The following PCDH15 variants were observed in gnomAD, a reference collection of about 807,000 sequenced individuals.
PCDH15 encodes protocadherin related 15.
PCDH15 carries 129 observed loss-of-function variants against 178.5 expected under a neutral mutation model. The ratio of observed to expected loss-of-function variants is 0.72; its 90% CI spans 0.63 to 0.84. The LOEUF (loss-of-function observed/expected upper bound fraction) is 0.84. PCDH15 is among the 40% of genes least tolerant of loss of function. PCDH15 has a pLI of 0.00. For synonymous variants in PCDH15, 800 were observed against 732.0 expected, an observed-to-expected ratio of 1.09 and a Z score of -1.50; for missense variants, 2,230 against 2,099.9, an observed-to-expected ratio of 1.06 and a Z score of -1.21.
intron 11 of PCDH15, 21 bp downstream of exon 11, chr10:54,195,662 C>A (rs1396964026): frequency 2.5e-6 from 4 of 1,594,148 alleles, no homozygotes; most frequent in Admixed American, 3.3e-5. Flanking sequence ...CAAACAAGAG[C>A]AAAATATGTA....
intron 3 of PCDH15, among the ~76,000 whole-genome samples, chr10:54,888,553 T>C (rs1457581444): frequency 6.6e-6 from 1 of 151,982 alleles, no homozygotes; most frequent in African/African-American, 2.4e-5. Context: ...TTTAGGTAAA[T>C]ACTTAGGATG....
intron 3 of PCDH15, among the ~76,000 whole-genome samples, chr10:54,443,367 G>A (rs11004310): frequency 1.1e-4 from 17 of 151,196 alleles, no homozygotes; most frequent in Admixed American, 4.6e-4. Flanking sequence ...GAAATGGGAA[G>A]TTTTTTTTCA....
chr10:54,677,950 C>A (rs1441106447), intron 1 of PCDH15, among the ~76,000 whole-genome samples: 2 of 152,102 alleles, frequency 1.3e-5, no homozygotes, highest in African/African-American at 2.4e-5. Context: ...TAATCACAAT[C>A]TTTGAAAATT....
chr10:54,884,978 C>T (rs4935569), intron 3 of PCDH15, among the ~76,000 whole-genome samples: 145,602 of 152,110 alleles, frequency 0.96, 69,789 homozygotes, highest in East Asian at 0.99. Context: ...ACTTTCTTTG[C>T]CCTAATAGTT....
At chr10:55,136,707 T>C (rs1456086446) in intron 2 of PCDH15, among the ~76,000 whole-genome samples, 1 of 152,100 alleles carries the variant, frequency 6.6e-6, no homozygotes, top group African/African-American at 2.4e-5. Context: ...CGTGAAAAAC[T>C]AAAGCAAAGT....
chr10:54,054,761 G>A (rs531591852), intron 18 of PCDH15, among the ~76,000 whole-genome samples: 1 of 152,170 alleles, frequency 6.6e-6, no homozygotes, highest in East Asian at 1.9e-4. Flanking sequence ...GATTTCTATT[G>A]TAAATATTAT....
chr10:53,810,421 G>A, intron 37 of PCDH15, 135 bp downstream of exon 37: 1 of 740,810 alleles, frequency 1.3e-6, no homozygotes, highest in Non-Finnish European at 2.3e-6. Context: ...TCAGCACTGT[G>A]AAATTTCTAT....
At chr10:54,359,198 T>C (rs1945570753) in intron 5 of PCDH15, among the ~76,000 whole-genome samples, 1 of 151,904 alleles carries the variant, frequency 6.6e-6, no homozygotes, top group African/African-American at 2.4e-5. Flanking sequence ...TAAAAATGAA[T>C]AAATTTGGTT....
rs931395591 is a variant in PCDH15, at chr10:53,821,910, T to A, written c.4368-1680A>T. The A allele has an allele frequency of 6.2e-7, 1 of 1,613,728 alleles. No individual in the cohort carries two copies. The highest frequency in any genetic ancestry group is 1.3e-5 in the African/African-American group (1 of 75,038). ...TTGTTTTTCAGTTCCCTCGACAATA[T>A]TGTTCAAACTCCCCTTGTTTTGTTC... On this transcript the variant is annotated intron_variant, in intron 32 of 37. Transcript: ENST00000644397.
chr10:55,208,139 A>T (rs924519452), intron 1 of PCDH15, among the ~76,000 whole-genome samples: 1 of 152,128 alleles, frequency 6.6e-6, no homozygotes, highest in African/African-American at 2.4e-5. Flanking sequence ...TATAGAGTAG[A>T]TACTTATTTT....
chr10:55,467,035 T>A (rs1235296501), intron 2 of PCDH15, among the ~76,000 whole-genome samples: 2 of 152,190 alleles, frequency 1.3e-5, no homozygotes, highest in East Asian at 3.9e-4. Flanking sequence ...CACCCTTGTT[T>A]TGCTCAAGTT....
chr10:53,990,258 C>T (rs202165581), intron 21 of PCDH15, among the ~76,000 whole-genome samples: 3,489 of 149,898 alleles, frequency 0.023, 105 homozygotes, highest in African/African-American at 0.063. Flanking sequence ...AGCTCTGAAA[C>T]GCTACAATAG....
rs72637044 is a variant in PCDH15, at chr10:54,824,257, A to G, written c.-29+73193T>C. On this transcript the variant is annotated intron_variant, in intron 3 of 5. Coordinates refer to the PCDH15 transcript ENST00000458638. ...ATAATAAATACATGTATTGAAGCCC[A>G]CTATTACAGGGGTTATTAAATTTTA... Among the ~76,000 whole-genome samples, 474 of 152,264 alleles carry G rather than the reference A, an allele frequency of 3.1e-3. 23 individuals are homozygous for G. The East Asian group carries it at 0.088, about 28-fold the overall frequency.
At chr10:54,661,447 G>A (rs1004698603) in intron 2 of PCDH15, among the ~76,000 whole-genome samples, 6 of 151,812 alleles carry the variant, frequency 4.0e-5, no homozygotes, top group Non-Finnish European at 7.4e-5. Context: ...TTGTTTGGAA[G>A]AATCAACATC....
intron 2 of PCDH15, among the ~76,000 whole-genome samples, chr10:55,370,816 C>A (rs1287260162): frequency 2.6e-5 from 4 of 152,100 alleles, no homozygotes; most frequent in Admixed American, 1.3e-4. Flanking sequence ...ACATATAATC[C>A]ATCCAATTGA....
intron 17 of PCDH15, among the ~76,000 whole-genome samples, chr10:54,074,374 ATCATTCTACTTTGAG>A (rs1325670399): frequency 6.6e-6 from 1 of 152,200 alleles, no homozygotes; most frequent in African/African-American, 2.4e-5. Flanking sequence ...TCTGGCAACC[ATCATTCTACTTTGAG>A]TCTTTGTGAT....
chr10:53,989,940 A>G (rs1398102204), intron 21 of PCDH15, among the ~76,000 whole-genome samples: 1 of 152,174 alleles, frequency 6.6e-6, no homozygotes, highest in Non-Finnish European at 1.5e-5. Context: ...GGTCCTGAAT[A>G]GTTTTGACTA....
chr10:54,836,063 A>G (rs1046987174), intron 3 of PCDH15, among the ~76,000 whole-genome samples: 1 of 152,214 alleles, frequency 6.6e-6, no homozygotes, highest in African/African-American at 2.4e-5. Context: ...TTGCAACACA[A>G]AAAAGTTCCT....
At chr10:54,595,696 G>T (rs2092194885) in intron 2 of PCDH15, among the ~76,000 whole-genome samples, 1 of 152,038 alleles carries the variant, frequency 6.6e-6, no homozygotes, top group Admixed American at 6.6e-5. Context: ...AGGAAGCTAA[G>T]AATCACAATA....
Sources: gnomAD v4.1 joint callset for allele counts (sites outside exome capture counted in the v4.1 genomes callset) on GRCh38, gnomAD v4.1.1 for gene constraint, MANE v1.5 for transcripts, NCBI Gene and HGNC (gene_info 2026-07-23, HGNC 2026-07-21) for gene names.